Variants in ARID5A observed in about 807,000 individuals in gnomAD.
The protein encoded by ARID5A is AT-rich interactive domain-containing protein 5A.
A neutral mutation model predicts 30.5 loss-of-function variants in ARID5A; 14 were observed. The ratio of observed to expected loss-of-function variants is 0.46; its 90% confidence interval spans 0.30 to 0.72. ARID5A has a LOEUF of 0.72. Ranked by LOEUF, ARID5A falls within the 30% of genes least tolerant of loss-of-function variation. The pLI is 0.07. For synonymous variants in ARID5A, 338 were observed against 340.4 expected (o/e 0.99, Z 0.08); for missense variants, 669 against 786.2 (o/e 0.85, Z 1.78).
Position 96,549,973 on chromosome 2 carries a change from A to G in ARID5A, c.312+168A>G. The G allele has an allele frequency of 6.5e-7, 1 of 1,532,088 alleles. No individual in the cohort carries two copies. The allele number at this position is 1,532,088 out of a possible 1,614,324, so 94.9% of individuals were successfully genotyped here. ...ACTCTGCTGCTCAAAGCAGCTTTTC[A>G]GCCTTCCCCATCTGTTCTGCCCGCC... On this transcript the variant is annotated intron_variant, in intron 4 of 6. Transcript: ENST00000357485. This position sits in a 1 kb window ranked among gnomAD's most constrained non-coding sequence, Gnocchi z 6.1.
rs1236235490 is a variant in ARID5A at position 96,551,707 on chromosome 2, T to C, written c.1179T>C (p.Ala393=). Reference sequence around the variant, plus strand: ...CCCAGCTGGTGTGGGGCGGAGACGCTAACCGCCCTTCTGCGTTCCATAAAG... The same window carrying C: ...CCCAGCTGGTGTGGGGCGGAGACGCCAACCGCCCTTCTGCGTTCCATAAAG... ...KEPQLVWGGD[A]NRPSAFHKGG... is the part of the protein sequence containing the mutation. Residue 393 remains alanine (A), a synonymous_variant, in exon 7 of 7, where the codon GCT becomes GCC. Coordinates refer to ENST00000357485, the MANE Select transcript of ARID5A (RefSeq NM_212481.3). 6 of 1,519,748 alleles carry C rather than the reference T, an allele frequency of 3.9e-6. No homozygotes were observed. The highest frequency in any genetic ancestry group is 5.3e-6 in the Non-Finnish European group (6 of 1,136,312). The allele number at this position is 1,519,748 out of a possible 1,614,324, so 94.1% of individuals were successfully genotyped here. A position where few individuals can be genotyped will look rare whatever the true frequency, so the allele number is the denominator to read the frequency against.
Position 96,552,588 on chromosome 2 carries a change from C to G in ARID5A, c.*275C>G, listed in dbSNP as rs1233916054. 3 of 1,480,404 alleles carry G rather than the reference C, an allele frequency of 2.0e-6. No individual in the cohort carries two copies. The highest frequency in any genetic ancestry group is 1.8e-4 in the Middle Eastern group (1 of 5,710). The allele number at this position is 1,480,404 out of a possible 1,614,324, so 91.7% of individuals were successfully genotyped here. ...GCCCCAGAGCGGAGCTCGAAGCACC[C>G]AGGTTGCCCACGGAAAATCCAATAA... On this transcript the variant is annotated 3_prime_UTR_variant, in exon 7 of 7. Coordinates refer to ENST00000357485, the MANE Select transcript of ARID5A (RefSeq NM_212481.3).
At chr2:96,538,991 G>A (rs2065796004) in intron 1 of ARID5A, among the ~76,000 whole-genome samples, 1 of 152,108 alleles carries the variant, frequency 6.6e-6, no homozygotes, top group Non-Finnish European at 1.5e-5. Flanking sequence ...GGGCAACAGG[G>A]GTCTGTAAGT....
Position 96,549,258 on chromosome 2 carries a change from G to T in ARID5A, c.121-63G>T. On this transcript the variant is annotated intron_variant, in intron 2 of 6. Coordinates refer to ENST00000357485, the MANE Select transcript of ARID5A (RefSeq NM_212481.3). The surrounding 1 kb of genome is among the most constrained non-coding windows in gnomAD (Gnocchi z 6.1). Reference sequence around the variant, plus strand: ...ATTCCTCCTGCAGCCAGTGGTTTCTGCACATCCCCAGCAGCCAGCCACCAA... The same window carrying T: ...ATTCCTCCTGCAGCCAGTGGTTTCTTCACATCCCCAGCAGCCAGCCACCAA... 6.3e-7 allele frequency: 1 copy of T among 1,583,088 alleles called. No individual in the cohort carries two copies. The highest frequency in any genetic ancestry group is 8.6e-7 in the Non-Finnish European group (1 of 1,165,188).
rs1185179902 is a variant in ARID5A, at chr2:96,539,192, C to T, written c.4+2362C>T. ...AGAACATTGGGCACATTGAGTCTAG[C>T]ACGCCCATCTTGTAGATGGGGAAAG... On this transcript the variant is annotated intron_variant, in intron 1 of 6. Transcript: ENST00000357485. The surrounding 1 kb of genome is among the most constrained non-coding windows in gnomAD (Gnocchi z 4.7). Among the ~76,000 whole-genome samples the T allele has an allele frequency of 6.6e-6, 1 of 152,232 alleles. No homozygotes were observed. Among genetic ancestry groups the T allele is most frequent in the Non-Finnish European group, 1.5e-5 (1 of 68,046 alleles).
Position 96,552,092 on chromosome 2 carries a change from G to A in ARID5A, c.1564G>A (p.Ala522Thr), listed in dbSNP as rs2066061284. The stretch of plus-strand genomic sequence containing the variant: ...CACCCCGGGCCCCTTGAAGGGCCAG[G>A]CTGCACTCCCCTTCAGCCCCCTGGT... ...TGTPGPLKGQ[A>T]ALPFSPLVIP... The change falls in exon 7 of 7, where the codon GCT becomes ACT. Residue 522 changes from alanine to threonine, a missense_variant. Transcript: ENST00000357485. 1 of 1,600,744 alleles carries A rather than the reference G, an allele frequency of 6.2e-7. No individual in the cohort carries two copies. Among genetic ancestry groups the A allele is most frequent in the Non-Finnish European group, 8.5e-7 (1 of 1,173,414 alleles).
intron 1 of ARID5A, chr2:96,538,098 C>T: frequency 1.0e-6 from 1 of 985,502 alleles, no homozygotes; most frequent in Non-Finnish European, 1.2e-6. Flanking sequence ...CGCCTGGGGC[C>T]TAGAACTTGG....
At position 96,552,621 on chromosome 2, in the gene ARID5A, C is replaced by T. The variant is rs909395310; in HGVS notation, c.*308C>T. The T allele has an allele frequency of 7.1e-7, 1 of 1,416,790 alleles. No individual in the cohort carries two copies. Among genetic ancestry groups the T allele is most frequent in the South Asian group, 1.3e-5 (1 of 74,494 alleles). The allele number at this position is 1,416,790 out of a possible 1,614,324, so 87.8% of individuals were successfully genotyped here. On this transcript the variant is annotated 3_prime_UTR_variant, in exon 7 of 7. Coordinates refer to ENST00000357485, the MANE Select transcript of ARID5A (RefSeq NM_212481.3). ...CCACGGAAAATCCAATAAAAAGACA[C>T]CAGTGTGAATCCACGTAGCCCTGAG...
chr2:96,547,940 G>T (rs1037231383), intron 2 of ARID5A, among the ~76,000 whole-genome samples: 1 of 152,238 alleles, frequency 6.6e-6, no homozygotes. Flanking sequence ...ATTCATTTTG[G>T]CCATTTGCTT....
chr2:96,538,413 C>A, intron 1 of ARID5A: 1 of 844,274 alleles, frequency 1.2e-6, no homozygotes, highest in Non-Finnish European at 1.4e-6. Flanking sequence ...CCTCTGGTGG[C>A]TCTTGTGGCC....
In ARID5A at chr2:96,550,483, C is replaced by CCCGCG; in HGVS notation, c.411-90_411-89insCGCGC. On this transcript the variant is annotated intron_variant, in intron 5 of 6. Transcript: ENST00000357485. The surrounding 1 kb of genome is among the most constrained non-coding windows in gnomAD (Gnocchi z 6.6). The stretch of plus-strand genomic sequence containing the variant: ...GACCAGGAGAGGGCCTTCCTCGGCG[C>CCCGCG]CGGCGGGGAAGGGGGCTCAGAGGAG... The CCCGCG allele has an allele frequency of 6.8e-7, 1 of 1,472,156 alleles. No individual in the cohort carries two copies. 91.2% of individuals were successfully genotyped at this position (1,472,156 alleles called of 1,614,324 possible).
intron 2 of ARID5A, among the ~76,000 whole-genome samples, chr2:96,547,729 A>G (rs2065954133): frequency 6.6e-6 from 1 of 152,190 alleles, no homozygotes; most frequent in South Asian, 2.1e-4. Flanking sequence ...TTTGAAATGA[A>G]GATGACCTAC....
intron 1 of ARID5A, among the ~76,000 whole-genome samples, chr2:96,546,054 T>C (rs2065922708): frequency 6.6e-6 from 1 of 151,766 alleles, no homozygotes; most frequent in Admixed American, 6.6e-5. Flanking sequence ...CACCCTGAAA[T>C]CAGTCAGCAG....
chr2:96,542,324 C>A (rs753649146), intron 1 of ARID5A, among the ~76,000 whole-genome samples: 1 of 152,218 alleles, frequency 6.6e-6, no homozygotes, highest in African/African-American at 2.4e-5. Flanking sequence ...AGACCGAGTT[C>A]ATCTGGGGAC....
chr2:96,536,902 G>A, intron 1 of ARID5A, 72 bp downstream of exon 1: 2 of 1,223,010 alleles, frequency 1.6e-6, no homozygotes, highest in Non-Finnish European at 1.0e-6. Context: ...TGCCGGCGCC[G>A]GGTCCCCTCC....
In ARID5A at chr2:96,551,248, G is replaced by C; in HGVS notation, c.720G>C (p.Lys240Asn). Residue 240 changes from lysine to asparagine, a missense_variant, in exon 7 of 7, where the codon AAG (lysine) becomes AAC (asparagine). By Grantham distance (94) the Lys-to-Asn change is moderately conservative (BLOSUM62 0). Transcript: ENST00000357485. ...VGASGCPEAY[K>N]RLLSSFYCKG... Reference sequence around the variant, plus strand: ...CCAGCGGCTGTCCTGAGGCCTACAAGCGGCTCCTATCCAGCTTCTACTGCA... The same window carrying C: ...CCAGCGGCTGTCCTGAGGCCTACAACCGGCTCCTATCCAGCTTCTACTGCA... 6.2e-7 allele frequency: 1 copy of C among 1,613,938 alleles called. No homozygotes were observed. Among genetic ancestry groups the C allele is most frequent in the Non-Finnish European group, 8.5e-7 (1 of 1,180,018 alleles).
rs1333824225 is a variant in ARID5A at position 96,537,181 on chromosome 2, C to T, written c.4+351C>T. Among the ~76,000 whole-genome samples the T allele has an allele frequency of 6.6e-6, 1 of 152,234 alleles. No homozygotes were observed. Among genetic ancestry groups the T allele is most frequent in the Non-Finnish European group, 1.5e-5 (1 of 68,026 alleles). ...AGCCCGGTACGGCTCTGTCGTCCCA[C>T]TTCCTGCTGCGGTTTCCACCTCGAG... is the stretch of plus-strand genomic sequence containing the variant. On this transcript the variant is annotated intron_variant, in intron 1 of 6. Coordinates refer to ENST00000357485, the MANE Select transcript of ARID5A (RefSeq NM_212481.3). This position sits in a 1 kb window ranked among gnomAD's most constrained non-coding sequence, Gnocchi z 4.8.
chr2:96,538,682 C>A (rs1168810019), intron 1 of ARID5A, among the ~76,000 whole-genome samples: 1 of 152,252 alleles, frequency 6.6e-6, no homozygotes, highest in Non-Finnish European at 1.5e-5. Context: ...CAAAGGCTGT[C>A]TTTGTTTTGC....
chr2:96,538,076 G>A, intron 1 of ARID5A: 1 of 985,514 alleles, frequency 1.0e-6, no homozygotes, highest in Non-Finnish European at 1.2e-6. Flanking sequence ...CCCAATCCAG[G>A]CCTTAGGGAC....
Sources: allele counts gnomAD v4.1 joint callset (sites outside exome capture counted in the v4.1 genomes callset), GRCh38; gene constraint gnomAD v4.1.1; non-coding constraint Gnocchi (gnomAD v3.1); transcripts MANE v1.5; gene names NCBI Gene and HGNC (gene_info 2026-07-23, HGNC 2026-07-21).